EHF: variants seen among roughly 807,000 people sequenced by gnomAD.
The protein encoded by EHF is ETS homologous factor.
EHF carries 14 observed loss-of-function variants against 45.1 expected under a neutral mutation model. The observed-to-expected ratio is 0.31, with a 90% CI of 0.21 to 0.49. The LOEUF (loss-of-function observed/expected upper bound fraction) is 0.49. Among genes scored for constraint, EHF ranks in the 20% least tolerant of loss-of-function variants. The pLI is 0.99. For missense variants in EHF, 282 were observed against 371.4 expected (o/e 0.76, Z 1.98); for synonymous variants, 136 against 131.8 (o/e 1.03, Z -0.22).
intron 6 of EHF, among the ~76,000 whole-genome samples, chr11:34,655,049 C>A (rs1269399806): frequency 1.3e-5 from 2 of 152,206 alleles, no homozygotes; most frequent in African/African-American, 4.8e-5. Context: ...AATATTGTCA[C>A]ATCCTGATGG....
At chr11:34,647,640 C>T (rs995675904) in intron 3 of EHF, among the ~76,000 whole-genome samples, 1 of 152,194 alleles carries the variant, frequency 6.6e-6, no homozygotes, top group African/African-American at 2.4e-5. Context: ...GGGCAAGTAA[C>T]CGGGACTTGG....
rs1310949076 is a variant in EHF at position 34,649,225 on chromosome 11, C to G, written c.406+144C>G. On this transcript the variant is annotated intron_variant, in intron 4 of 8. Coordinates refer to ENST00000257831, the MANE Select transcript of EHF (RefSeq NM_012153.6). ...TTCCCTGGCTGTCTCTGATGGGCCA[C>G]CCCCACCATGAATCTCATTCTTGCC... 2.6e-5 allele frequency: 20 copies of G among 757,164 alleles called. No individual in the cohort carries two copies. The Admixed American group carries it at 3.2e-4, about 12-fold the overall frequency. 46.9% of individuals were successfully genotyped at this position (757,164 alleles called of 1,614,324 possible). A position where few individuals can be genotyped will look rare whatever the true frequency, so the allele number is the denominator to read the frequency against.
At chr11:34,633,551 T>C (rs1368020332) in intron 1 of EHF, among the ~76,000 whole-genome samples, 2 of 152,130 alleles carry the variant, frequency 1.3e-5, no homozygotes, top group Admixed American at 1.3e-4. Context: ...TCTAACAACA[T>C]GGGGGTACTG....
intron 4 of EHF, among the ~76,000 whole-genome samples, chr11:34,650,273 G>T (rs980491681): frequency 6.6e-6 from 1 of 152,154 alleles, no homozygotes; most frequent in East Asian, 1.9e-4. Context: ...GGAGAAGAAG[G>T]TCCACCCTAG....
intron 1 of EHF, among the ~76,000 whole-genome samples, chr11:34,637,255 G>A (rs1221277376): frequency 6.6e-6 from 1 of 152,084 alleles, no homozygotes; most frequent in Non-Finnish European, 1.5e-5. Context: ...TCCCCTTCAT[G>A]GGTCCAGGCT....
At chr11:34,657,898 G>T (rs1215726722) in intron 7 of EHF, among the ~76,000 whole-genome samples, 3 of 151,980 alleles carry the variant, frequency 2.0e-5, no homozygotes, top group African/African-American at 7.3e-5. Context: ...TCGAAAGGTG[G>T]GTGGGGTGGG....
At chr11:34,622,350 G>A (rs1852038880) in intron 1 of EHF, 1 of 1,212,812 alleles carries the variant, frequency 8.2e-7, no homozygotes, top group Non-Finnish European at 1.1e-6. Flanking sequence ...GGGAGAAAGT[G>A]AGTGAATGGA....
intron 1 of EHF, among the ~76,000 whole-genome samples, chr11:34,638,925 C>T (rs1853714410): frequency 6.6e-6 from 1 of 152,194 alleles, no homozygotes; most frequent in Non-Finnish European, 1.5e-5. Context: ...GTTAGAGGAA[C>T]ACCTTGAGAA....
chr11:34,632,518 T>G, intron 1 of EHF: 1 of 1,534,972 alleles, frequency 6.5e-7, no homozygotes, highest in Admixed American at 2.0e-5. Context: ...CAGGCTGCTT[T>G]GTGAAACTCA....
At chr11:34,653,645 T>C (rs947239948) in intron 6 of EHF, among the ~76,000 whole-genome samples, 1 of 152,178 alleles carries the variant, frequency 6.6e-6, no homozygotes, top group Non-Finnish European at 1.5e-5. Context: ...GGTGTATTCA[T>C]TGGGGTAATA....
chr11:34,656,394 T>TAA (rs34892719), intron 6 of EHF, among the ~76,000 whole-genome samples: 1 of 144,734 alleles, frequency 6.9e-6, no homozygotes, highest in Non-Finnish European at 1.5e-5. Context: ...TCTATTATGC[T>TAA]AAAAAAAAAA....
chr11:34,655,284 G>C (rs1565046105), intron 6 of EHF, among the ~76,000 whole-genome samples: 1 of 152,154 alleles, frequency 6.6e-6, no homozygotes, highest in Non-Finnish European at 1.5e-5. Flanking sequence ...AGAAATTGCT[G>C]GGAACACTGA....
chr11:34,662,642 T>G lies in EHF; in HGVS notation c.*3711T>G, dbSNP rs569188497. 3.3e-5 allele frequency among the ~76,000 whole-genome samples: 5 copies of G among 152,260 alleles called. No individual in the cohort carries two copies. Among genetic ancestry groups the G allele is most frequent in the African/African-American group, 1.2e-4 (5 of 41,554 alleles). On this transcript the variant is annotated 3_prime_UTR_variant, in exon 9 of 9. Transcript: ENST00000257831. ...ATAAAGTTAGTAATGCATGTTAGAT[T>G]TTAGTTTTGCAAGCATGTTGTTTTT...
chr11:34,644,431 G>T (rs180744204), intron 2 of EHF, among the ~76,000 whole-genome samples: 1 of 152,232 alleles, frequency 6.6e-6, no homozygotes, highest in Non-Finnish European at 1.5e-5. Context: ...TTTTAGATTA[G>T]ATTGTTCCAT....
At position 34,642,654 on chromosome 11, in the gene EHF, A is replaced by G; in HGVS notation, c.24A>G (p.Val8=). Residue 8 remains valine (V), a synonymous_variant, in exon 2 of 9, where the codon GTA becomes GTG. Transcript: ENST00000257831. ...TCATGATTCTGGAAGGAGGTGGTGT[A>G]ATGAATCTCAACCCCGGCAACAACC... is the stretch of plus-strand genomic sequence containing the variant. MILEGGG[V]MNLNPGNNLL... is the part of the protein sequence containing the mutation. The G allele has an allele frequency of 6.2e-7, 1 of 1,613,862 alleles. No homozygotes were observed. Among genetic ancestry groups the G allele is most frequent in the Non-Finnish European group, 8.5e-7 (1 of 1,179,816 alleles).
At chr11:34,652,702 T>C (rs1185759232) in intron 6 of EHF, among the ~76,000 whole-genome samples, 1 of 126,804 alleles carries the variant, frequency 7.9e-6, no homozygotes, top group South Asian at 2.5e-4. Context: ...ATTGGGTCTT[T>C]GTGAAAGAAA....
chr11:34,649,184 AAC>A (rs1474048446), intron 4 of EHF, 103 bp downstream of exon 4: 41 of 1,221,900 alleles, frequency 3.4e-5, no homozygotes, highest in Non-Finnish European at 4.6e-5. Flanking sequence ...TTTTGCAGGA[AAC>A]ACAGGGAGGC....
At position 34,658,949 on chromosome 11, in the gene EHF, A is replaced by G; in HGVS notation, c.*18A>G. 6.3e-7 allele frequency: 1 copy of G among 1,583,038 alleles called. No homozygotes were observed. The highest frequency in any genetic ancestry group is 8.6e-7 in the Non-Finnish European group (1 of 1,157,728). On this transcript the variant is annotated 3_prime_UTR_variant, in exon 9 of 9. Transcript: ENST00000257831. ...AAAACTGAAGCTGCCAATACTTTGGACACAAACCAAAACACACACCAAATA... is the reference window on the plus strand; with the variant it reads ...AAAACTGAAGCTGCCAATACTTTGGGCACAAACCAAAACACACACCAAATA...
At position 34,657,624 on chromosome 11, in the gene EHF, AC is replaced by A. The variant is rs1225637881; in HGVS notation, c.607+655del. Reference sequence around the variant, plus strand: ...GGAAACATGACGAGACCCCATCTCTACAAAAAAATACAAAAATTAGCTGGGC... The same window carrying A: ...GGAAACATGACGAGACCCCATCTCTAAAAAAAATACAAAAATTAGCTGGGC... On this transcript the variant is annotated intron_variant, in intron 7 of 8. Transcript: ENST00000257831. Among the ~76,000 whole-genome samples the A allele has an allele frequency of 1.5e-3, 3 of 2,068 alleles. No homozygotes were observed. The Non-Finnish European group carries it at 0.052, about 36-fold the overall frequency. 1.4% of individuals were successfully genotyped at this position (2,068 alleles called of 152,430 possible). A position where few individuals can be genotyped will look rare whatever the true frequency, so the allele number is the denominator to read the frequency against.
Sources: allele counts gnomAD v4.1 joint callset (sites outside exome capture counted in the v4.1 genomes callset), GRCh38; gene constraint gnomAD v4.1.1; transcripts MANE v1.5; gene names NCBI Gene and HGNC (gene_info 2026-07-23, HGNC 2026-07-21).